FLNA: variants seen among roughly 807,000 people sequenced by gnomAD.
FLNA encodes the protein filamin-A.
In FLNA, 7 loss-of-function variants were observed where a neutral mutation model predicts 157.6. That is an observed-to-expected ratio of 0.04 (90% CI 0.03 to 0.08). The LOEUF (loss-of-function observed/expected upper bound fraction) is 0.08, where lower values mean the gene tolerates loss of function less well. FLNA is among the 10% of genes least tolerant of loss of function. The pLI is 1.00. For missense variants in FLNA, 1,750 were observed against 2,398.4 expected (o/e 0.73, Z 5.65); for synonymous variants, 1,103 against 1,060.8 (o/e 1.04, Z -0.77).
chrX:154,349,144 T>C (rs1369149422), intron 47 of FLNA, 108 bp from the exon 48 acceptor site: 7 of 886,990 alleles, frequency 7.9e-6, no homozygotes, highest in Non-Finnish European at 8.0e-6. Flanking sequence ...AGTTCTCTCT[T>C]CCTAAAGAGC....
At chrX:154,361,282 C>T in intron 21 of FLNA, 26 bp downstream of exon 21, 1 of 1,206,907 alleles carries the variant, frequency 8.3e-7, no homozygotes. Context: ...GGGTTCTACC[C>T]TTAGGGCCTC....
intron 5 of FLNA, 96 bp from the exon 6 acceptor site, chrX:154,366,946 C>G: frequency 1.4e-6 from 1 of 702,261 alleles, no homozygotes; most frequent in Non-Finnish European, 2.3e-6. Context: ...CTAAGTCAGG[C>G]ACATTCCAAA....
At chrX:154,358,796 C>T in intron 26 of FLNA, 188 bp downstream of exon 26, 1 of 595,924 alleles carries the variant, frequency 1.7e-6, no homozygotes, top group Non-Finnish European at 2.7e-6. Context: ...AGTGACCAGT[C>T]CCATCTGCTC....
rs909387820 is a variant in FLNA, at chrX:154,349,738, G to T, written c.7463C>A (p.Thr2488Asn). 2.1e-5 allele frequency: 26 copies of T among 1,211,852 alleles called. No individual in the cohort carries two copies. Among genetic ancestry groups the T allele is most frequent in the Non-Finnish European group, 2.8e-5 (25 of 895,467 alleles). The change falls in exon 46 of 48, where the codon ACC becomes AAC. Residue 2488 changes from threonine (T) to asparagine (N), a missense_variant. By Grantham distance (65) the Thr-to-Asn change is moderately conservative. This residue lies in a region of FLNA where 970 missense variants were observed against 1,302.6 expected (regional missense o/e 0.74). Coordinates refer to ENST00000369850, the MANE Select transcript of FLNA (RefSeq NM_001110556.2). ...ECPEGYRVTY[T>N]PMAPGSYLIS... The stretch of plus-strand genomic sequence containing the variant: ...GAGGTAGCTGCCAGGTGCCATGGGG[G>T]TATAGGTGACGCGGTAGCCCTCAGG...
rs186119872 is a variant in FLNA at position 154,369,536 on chromosome X, G to A, written c.373+1337C>T. On this transcript the variant is annotated intron_variant, in intron 2 of 47. Transcript: ENST00000369850. ...CCCCCTTTCCCCAGCCCCTGGGCCAGCCAACCCCTCCCTCCCCTAATCACT... is the reference window on the plus strand; with the variant it reads ...CCCCCTTTCCCCAGCCCCTGGGCCAACCAACCCCTCCCTCCCCTAATCACT... Among the ~76,000 whole-genome samples, 551 of 75,400 alleles carry A rather than the reference G, an allele frequency of 7.3e-3. 6 individuals carry two copies. Among genetic ancestry groups the A allele is most frequent in the African/African-American group, 0.026 (534 of 20,223 alleles). 65.5% of individuals were successfully genotyped at this position (75,400 alleles called of 115,157 possible).
intron 5 of FLNA, among the ~76,000 whole-genome samples, chrX:154,367,139 TC>T (rs782744839): frequency 2.3e-4 from 26 of 112,007 alleles, no homozygotes; most frequent in Non-Finnish European, 4.3e-4. Context: ...CTGGTTCATC[TC>T]CATTTATAAT....
In FLNA at chrX:154,353,614, T is replaced by C; in HGVS notation, c.5800A>G (p.Ile1934Val). 1 of 1,211,676 alleles carries C rather than the reference T, an allele frequency of 8.3e-7. No individual in the cohort carries two copies. ...TGCTGTTCATTGTACTTGACTAGAA[T>C]GCTGTAGTCCCCCGGCAGCACAGGC... is the stretch of plus-strand genomic sequence containing the variant. ...YLPVLPGDYS[I>V]LVKYNEQHVP... is the part of the protein sequence containing the mutation. The change falls in exon 36 of 48, where the codon ATT becomes GTT. Residue 1934 changes from isoleucine to valine, a missense_variant. Transcript: ENST00000369850.
rs2067722728 is a variant in FLNA, at chrX:154,362,719, T to C, written c.2346A>G (p.Thr782=). The change falls in exon 16 of 48, where the codon ACA becomes ACG. Residue 782 remains threonine (T), a synonymous_variant. Transcript: ENST00000369850. The part of the protein sequence containing the change: ...VKVYGPGVAK[T]GLKAHEPTYF... The stretch of plus-strand genomic sequence containing the variant: ...AGGTGGGCTCGTGGGCCTTGAGCCC[T>C]GTCTTGGCTACTCCGGGGCCGTATA... 1 of 1,209,881 alleles carries C rather than the reference T, an allele frequency of 8.3e-7. No homozygotes were observed. Among genetic ancestry groups the C allele is most frequent in the South Asian group, 1.8e-5 (1 of 56,796 alleles).
Position 154,348,657 on chromosome X carries a change from C to T in FLNA, c.*192G>A, listed in dbSNP as rs1474693893. Reference sequence around the variant, plus strand: ...AAGCAGCGCCACCAAATGGCTCCCTCTGCCCAAGTGAAAGCCGAGAGGTCA... The same window carrying T: ...AAGCAGCGCCACCAAATGGCTCCCTTTGCCCAAGTGAAAGCCGAGAGGTCA... On this transcript the variant is annotated 3_prime_UTR_variant, in exon 48 of 48. Coordinates refer to ENST00000369850, the MANE Select transcript of FLNA (RefSeq NM_001110556.2). 7.3e-6 allele frequency: 3 copies of T among 412,490 alleles called. No homozygotes were observed. In the African/African-American group the frequency reaches 7.7e-5, roughly 11 times the overall value. 34.0% of individuals were successfully genotyped at this position (412,490 alleles called of 1,213,427 possible).
rs781856226 is a variant in FLNA at position 154,353,053 on chromosome X, G to A, written c.6174C>T (p.His2058=). 5.0e-6 allele frequency: 6 copies of A among 1,210,043 alleles called. No individual in the cohort carries two copies. The highest frequency in any genetic ancestry group is 3.5e-5 in the South Asian group (2 of 56,924). The change falls in exon 38 of 48, where the codon CAC becomes CAT. Residue 2058 remains histidine, a synonymous_variant. Coordinates refer to ENST00000369850, the MANE Select transcript of FLNA (RefSeq NM_001110556.2). The part of the protein sequence containing the change: ...SRVRVSGQGL[H]EGHTFEPAEF... ...CTGCAGGCTCAAAGGTGTGGCCTTC[G>A]TGAAGGCCCTGACCAGAGACCCGAA...
In FLNA at chrX:154,349,618, G is replaced by A. The variant is rs2067603461; in HGVS notation, c.7552+31C>T. On this transcript the variant is annotated intron_variant, in intron 46 of 47. Coordinates refer to ENST00000369850, the MANE Select transcript of FLNA (RefSeq NM_001110556.2). ...AGGTGGCTGTGGTGCCGGGCGTTGGGCAGATGCCAATAGCTTGGCCCCAGG... is the reference window on the plus strand; with the variant it reads ...AGGTGGCTGTGGTGCCGGGCGTTGGACAGATGCCAATAGCTTGGCCCCAGG... 3.3e-6 allele frequency: 4 copies of A among 1,208,851 alleles called. No homozygotes were observed. The Admixed American group carries it at 6.5e-5, about 20-fold the overall frequency.
intron 30 of FLNA, 43 bp downstream of exon 30, chrX:154,357,208 T>C (rs782807343): frequency 8.6e-7 from 1 of 1,168,814 alleles, no homozygotes; most frequent in South Asian, 1.8e-5. Context: ...GCTGCCCCTC[T>C]GGGCAGGAGG....
At position 154,359,391 on chromosome X, in the gene FLNA, G is replaced by C; in HGVS notation, c.4158C>G (p.Gly1386=). The change falls in exon 25 of 48, where the codon GGC becomes GGG. Residue 1386 remains glycine (G), a synonymous_variant. Coordinates refer to ENST00000369850, the MANE Select transcript of FLNA (RefSeq NM_001110556.2). ...GGCCCTCTACAGCCAGGCCCAGGCC[G>C]CCCGTGCCAGCTCCCCTGGTCCAAA... ...FTVETRGAGT[G]GLGLAVEGPS... 8.3e-7 allele frequency: 1 copy of C among 1,211,300 alleles called. No homozygotes were observed. Among genetic ancestry groups the C allele is most frequent in the South Asian group, 1.8e-5 (1 of 57,037 alleles).
At chrX:154,371,471 C>T in intron 1 of FLNA, 110 bp from the exon 2 acceptor site, 1 of 415,494 alleles carries the variant, frequency 2.4e-6, no homozygotes, top group South Asian at 3.6e-5. Context: ...CTGCCCCACC[C>T]CGCCCCGCCC....
chrX:154,367,280 T>A (rs968465620), intron 5 of FLNA, 117 bp downstream of exon 5: 2 of 814,953 alleles, frequency 2.5e-6, no homozygotes, highest in Non-Finnish European at 3.5e-6. Flanking sequence ...CTTGGGTGGC[T>A]TGATCACCTA....
intron 9 of FLNA, 65 bp downstream of exon 9, chrX:154,365,959 G>T: frequency 1.9e-6 from 2 of 1,076,020 alleles, no homozygotes; most frequent in Admixed American, 2.3e-5. Context: ...GGCCCAGGGG[G>T]TCCCCCTCCT....
In FLNA at chrX:154,359,126, A is replaced by G. The variant is rs781861183; in HGVS notation, c.4332T>C (p.Asp1444=). The change falls in exon 26 of 48, where the codon GAT becomes GAC. Residue 1444 remains aspartate (D), a synonymous_variant. Coordinates refer to ENST00000369850, the MANE Select transcript of FLNA (RefSeq NM_001110556.2). ...PGSPFKVPVH[D]VTDASKVKCS... is the part of the protein sequence containing the mutation. ...ACTTGACCTTGGACGCATCTGTCAC[A>G]TCATGCACAGGGACCTTGAAAGGAC... 5 of 1,210,038 alleles carry G rather than the reference A, an allele frequency of 4.1e-6. No individual in the cohort carries two copies. In the African/African-American group the frequency reaches 7.0e-5, roughly 17 times the overall value.
At chrX:154,367,131 G>C (rs930605567) in intron 5 of FLNA, among the ~76,000 whole-genome samples, 4 of 112,048 alleles carry the variant, frequency 3.6e-5, no homozygotes, top group Non-Finnish European at 7.5e-5. Context: ...ACTGAGACCT[G>C]GTTCATCTCC....
rs1557177476 is a variant in FLNA at position 154,359,387 on chromosome X, G to A, written c.4162C>T (p.Leu1388=). The A allele has an allele frequency of 8.3e-7, 1 of 1,211,492 alleles. No individual in the cohort carries two copies. Among genetic ancestry groups the A allele is most frequent in the East Asian group, 3.0e-5 (1 of 33,862 alleles). Residue 1388 remains leucine (L), a synonymous_variant, in exon 25 of 48, where the codon CTG becomes TTG. Coordinates refer to ENST00000369850, the MANE Select transcript of FLNA (RefSeq NM_001110556.2). ...VETRGAGTGG[L]GLAVEGPSEA... is the part of the protein sequence containing the mutation. ...GAGGGGCCCTCTACAGCCAGGCCCA[G>A]GCCGCCCGTGCCAGCTCCCCTGGTC...
Sources: allele counts gnomAD v4.1 joint callset (sites outside exome capture counted in the v4.1 genomes callset), GRCh38; gene constraint gnomAD v4.1.1; regional missense constraint gnomAD v4.1.1; transcripts MANE v1.5; gene names NCBI Gene and HGNC (gene_info 2026-07-23, HGNC 2026-07-21).